TTC28: variants seen among roughly 807,000 people sequenced by gnomAD.
TTC28 encodes the protein tetratricopeptide repeat protein 28.
A neutral mutation model predicts 198.0 loss-of-function variants in TTC28; 61 were observed. That is an observed-to-expected ratio of 0.31 (90% CI 0.25 to 0.38). The LOEUF is 0.38. Ranked by LOEUF, TTC28 falls within the 10% of genes least tolerant of loss-of-function variation. TTC28 has a pLI of 1.00. For synonymous variants in TTC28, 1,171 were observed against 1,297.8 expected, an observed-to-expected ratio of 0.90 and a Z score of 2.10; for missense variants, 2,678 against 3,164.0, an observed-to-expected ratio of 0.85 and a Z score of 3.69.
intron 1 of TTC28, among the ~76,000 whole-genome samples, chr22:28,650,970 TAC>T (rs1017429544): frequency 1.5e-4 from 23 of 152,338 alleles, no homozygotes; most frequent in African/African-American, 4.6e-4. Flanking sequence ...TTTTTGGAAA[TAC>T]AGTTTTACTG....
chr22:28,550,602 T>C (rs2049649123), intron 2 of TTC28, among the ~76,000 whole-genome samples: 2 of 152,112 alleles, frequency 1.3e-5, no homozygotes, highest in South Asian at 4.1e-4. Flanking sequence ...ATCTCCAATG[T>C]TACTTTGCTC....
chr22:28,553,670 C>T (rs2049736868), intron 2 of TTC28, among the ~76,000 whole-genome samples: 2 of 151,692 alleles, frequency 1.3e-5, no homozygotes, highest in South Asian at 2.1e-4. Context: ...TCAGCCCCCG[C>T]GCCAGGCCAG....
At chr22:28,546,682 T>G (rs2049549076) in intron 2 of TTC28, among the ~76,000 whole-genome samples, 8 of 152,132 alleles carry the variant, frequency 5.3e-5, no homozygotes, top group Admixed American at 5.2e-4. Context: ...TTCATAGCAG[T>G]GTTATTCATA....
chr22:28,462,651 A>G (rs1172490068), intron 2 of TTC28, among the ~76,000 whole-genome samples: 1 of 152,202 alleles, frequency 6.6e-6, no homozygotes, highest in African/African-American at 2.4e-5. Context: ...CCTTACCTCA[A>G]GTCAAAGTGG....
chr22:28,226,289 T>A (rs899155658), intron 5 of TTC28, among the ~76,000 whole-genome samples: 4 of 152,202 alleles, frequency 2.6e-5, no homozygotes, highest in African/African-American at 9.7e-5. Context: ...TTCTTCCATA[T>A]CCTTGTCAAA....
At chr22:28,498,383 T>C (rs751337565) in intron 2 of TTC28, among the ~76,000 whole-genome samples, 1 of 152,152 alleles carries the variant, frequency 6.6e-6, no homozygotes. Flanking sequence ...AATTATGAAA[T>C]CTCAAATACA....
At chr22:28,623,930 T>A (rs529162490) in intron 2 of TTC28, among the ~76,000 whole-genome samples, 46 of 150,728 alleles carry the variant, frequency 3.1e-4, no homozygotes, top group Admixed American at 1.7e-3. Context: ...GCTCATATTT[T>A]AAAAAAAAAG....
At chr22:28,531,447 C>T (rs1452813208) in intron 2 of TTC28, among the ~76,000 whole-genome samples, 1 of 152,110 alleles carries the variant, frequency 6.6e-6, no homozygotes, top group Non-Finnish European at 1.5e-5. Flanking sequence ...TAGACTCCCA[C>T]ACAATAATAA....
chr22:28,336,761 T>C (rs894041641), intron 2 of TTC28, among the ~76,000 whole-genome samples: 1 of 152,206 alleles, frequency 6.6e-6, no homozygotes, highest in African/African-American at 2.4e-5. Flanking sequence ...TAGCAGTCTA[T>C]CAATTTTGTT....
chr22:28,540,973 C>T (rs1332705286), intron 2 of TTC28, among the ~76,000 whole-genome samples: 1 of 152,116 alleles, frequency 6.6e-6, no homozygotes, highest in Non-Finnish European at 1.5e-5. Flanking sequence ...GGGAGACTAG[C>T]TGAAAGGCAA....
intron 6 of TTC28, among the ~76,000 whole-genome samples, chr22:28,149,456 T>A (rs1943553483): frequency 6.6e-6 from 1 of 152,204 alleles, no homozygotes; most frequent in Non-Finnish European, 1.5e-5. Context: ...TAAGACAATA[T>A]GGATGAACCT....
chr22:27,996,524 G>A (rs1937555261), intron 16 of TTC28: 5 of 435,918 alleles, frequency 1.1e-5, no homozygotes, highest in Non-Finnish European at 2.1e-5. Flanking sequence ...GCCGAGGGAA[G>A]TGCAGTAGGA....
At chr22:28,306,231 C>T (rs2045142845) in intron 3 of TTC28, among the ~76,000 whole-genome samples, 1 of 152,108 alleles carries the variant, frequency 6.6e-6, no homozygotes, top group East Asian at 1.9e-4. Flanking sequence ...GATCCATTTA[C>T]CCACTGTCAT....
At chr22:28,204,995 A>G (rs1036973766) in intron 5 of TTC28, among the ~76,000 whole-genome samples, 2 of 152,180 alleles carry the variant, frequency 1.3e-5, no homozygotes, top group Non-Finnish European at 2.9e-5. Context: ...CCAAAATCTC[A>G]TATATGTTTC....
intron 5 of TTC28, among the ~76,000 whole-genome samples, chr22:28,264,647 G>A (rs1000672326): frequency 6.6e-6 from 1 of 152,156 alleles, no homozygotes; most frequent in Non-Finnish European, 1.5e-5. Context: ...GCACGTGTGG[G>A]CGCGTGTGCT....
chr22:28,187,339 T>G (rs995370872), intron 5 of TTC28, among the ~76,000 whole-genome samples: 92 of 152,350 alleles, frequency 6.0e-4, no homozygotes, highest in Non-Finnish European at 9.0e-4. Flanking sequence ...ATAATTTGAA[T>G]TTCATTTAAA....
intron 12 of TTC28, among the ~76,000 whole-genome samples, chr22:28,079,375 T>C (rs1941264821): frequency 1.3e-5 from 2 of 152,180 alleles, no homozygotes; most frequent in African/African-American, 4.8e-5. Context: ...GATAAAAACA[T>C]ATCATAAAAT....
At chr22:28,521,775 G>T (rs1450533219) in intron 2 of TTC28, among the ~76,000 whole-genome samples, 1 of 152,208 alleles carries the variant, frequency 6.6e-6, no homozygotes, top group Non-Finnish European at 1.5e-5. Context: ...GTCAAATTGT[G>T]CAGGATAGGA....
intron 2 of TTC28, among the ~76,000 whole-genome samples, chr22:28,453,654 C>A (rs974971621): frequency 6.6e-6 from 1 of 152,176 alleles, no homozygotes; most frequent in East Asian, 1.9e-4. Flanking sequence ...ACTAACAAGT[C>A]CTCAGCTCTC....
Sources: gnomAD v4.1 joint callset for allele counts (sites outside exome capture counted in the v4.1 genomes callset) on GRCh38, gnomAD v4.1.1 for gene constraint, MANE v1.5 for transcripts, NCBI Gene and HGNC (gene_info 2026-07-23, HGNC 2026-07-21) for gene names.